Variants in EIPR1 observed in about 807,000 individuals in gnomAD.
EIPR1 encodes the protein EARP and GARP complex-interacting protein 1.
A neutral mutation model predicts 48.1 loss-of-function variants in EIPR1; 25 were observed. The ratio of observed to expected loss-of-function variants is 0.52; its 90% CI spans 0.38 to 0.73. EIPR1 has a LOEUF of 0.73. Among genes scored for constraint, EIPR1 ranks in the 30% least tolerant of loss-of-function variants. EIPR1 has a pLI of 0.00. For missense variants in EIPR1, 415 were observed against 506.2 expected, an observed-to-expected ratio of 0.82 and a Z score of 1.73; for synonymous variants, 204 against 201.9, an observed-to-expected ratio of 1.01 and a Z score of -0.09.
intron 4 of EIPR1, among the ~76,000 whole-genome samples, chr2:3,230,243 A>G (rs543220254): frequency 1.3e-5 from 2 of 152,234 alleles, no homozygotes; most frequent in African/African-American, 4.8e-5. Flanking sequence ...TAACCAAAAA[A>G]CATGGTGAGT....
intron 2 of EIPR1, among the ~76,000 whole-genome samples, chr2:3,350,637 A>G (rs1333190509): frequency 6.6e-6 from 1 of 152,234 alleles, no homozygotes; most frequent in Non-Finnish European, 1.5e-5. Flanking sequence ...TATTCTATGA[A>G]GTAAGCATTT....
intron 3 of EIPR1, among the ~76,000 whole-genome samples, chr2:3,336,008 C>T (rs958800434): frequency 1.3e-5 from 2 of 152,116 alleles, no homozygotes; most frequent in Non-Finnish European, 2.9e-5. Flanking sequence ...GGCCACACTG[C>T]ATGTGGTTAA....
chr2:3,292,091 T>G (rs1668380547), intron 3 of EIPR1, among the ~76,000 whole-genome samples: 1 of 152,242 alleles, frequency 6.6e-6, no homozygotes, highest in African/African-American at 2.4e-5. Flanking sequence ...AGTTTTCCAT[T>G]CTGGCTCCAT....
intron 3 of EIPR1, among the ~76,000 whole-genome samples, chr2:3,321,234 ACT>A (rs1439096278): frequency 6.6e-6 from 1 of 152,098 alleles, no homozygotes; most frequent in Non-Finnish European, 1.5e-5. Flanking sequence ...AGAAAATTTA[ACT>A]CTCACCTTTC....
chr2:3,201,827 T>G (rs1485143960), intron 5 of EIPR1, among the ~76,000 whole-genome samples: 3 of 152,252 alleles, frequency 2.0e-5, no homozygotes, highest in African/African-American at 7.2e-5. Flanking sequence ...CTAGCAATGA[T>G]TCGAGTGTAC....
At chr2:3,320,635 T>C (rs1669499181) in intron 3 of EIPR1, 1 of 152,252 alleles carries the variant, frequency 6.6e-6, no homozygotes, top group African/African-American at 2.4e-5. Context: ...ACTGAAATAA[T>C]AACTTGTTCC....
intron 4 of EIPR1, among the ~76,000 whole-genome samples, chr2:3,221,580 G>A (rs367972216): frequency 4.8e-4 from 5 of 10,492 alleles, no homozygotes; most frequent in African/African-American, 7.2e-4. Context: ...ACACTCTAGA[G>A]CATTCACAGT....
rs560241094 is a variant in EIPR1 at position 3,285,658 on chromosome 2, A to AC, written c.260-28204_260-28203insG. On this transcript the variant is annotated intron_variant, in intron 3 of 8. Transcript: ENST00000382125. ...CTAACACATGGAGCAGAAGTCACCG[A>AC]TGTCTCCGGGACCCTCGCACGGAGC... 2.0e-3 allele frequency among the ~76,000 whole-genome samples: 294 copies of AC among 147,434 alleles called. 1 individual carries two copies. The highest frequency in any genetic ancestry group is 2.9e-3 in the Non-Finnish European group (194 of 66,290).
chr2:3,278,225 G>A (rs924657340), intron 3 of EIPR1, among the ~76,000 whole-genome samples: 4 of 152,160 alleles, frequency 2.6e-5, no homozygotes, highest in Admixed American at 2.0e-4. Context: ...GCAGGTGGAT[G>A]GCAAAGGCCA....
intron 4 of EIPR1, among the ~76,000 whole-genome samples, chr2:3,256,187 G>T (rs1384312084): frequency 6.6e-6 from 1 of 152,216 alleles, no homozygotes; most frequent in Non-Finnish European, 1.5e-5. Context: ...CAGACTGCCT[G>T]ACCCTCAGCA....
intron 3 of EIPR1, among the ~76,000 whole-genome samples, chr2:3,333,220 T>A (rs11127411): frequency 6.6e-6 from 1 of 152,154 alleles, no homozygotes; most frequent in Non-Finnish European, 1.5e-5. Context: ...TTCTAGCATG[T>A]GCTTGCGTGC....
intron 1 of EIPR1, among the ~76,000 whole-genome samples, chr2:3,364,134 C>A (rs928115544): frequency 2.0e-5 from 3 of 152,090 alleles, no homozygotes; most frequent in African/African-American, 7.2e-5. Flanking sequence ...ATAGAGCTAC[C>A]ACATCATCCA....
intron 3 of EIPR1, chr2:3,301,586 A>T (rs1668763383): frequency 6.6e-6 from 1 of 152,272 alleles, no homozygotes; most frequent in Non-Finnish European, 1.5e-5. Context: ...TCAGGTACCC[A>T]CAATGGTGGC....
intron 4 of EIPR1, among the ~76,000 whole-genome samples, chr2:3,250,680 G>A (rs1227256665): frequency 6.6e-6 from 1 of 152,220 alleles, no homozygotes; most frequent in Non-Finnish European, 1.5e-5. Flanking sequence ...GGCCTAGTGG[G>A]AGGTACTGGA....
intron 3 of EIPR1, among the ~76,000 whole-genome samples, chr2:3,258,922 A>T (rs1276059158): frequency 6.7e-6 from 1 of 149,316 alleles, no homozygotes; most frequent in Non-Finnish European, 1.5e-5. Flanking sequence ...AGGGAATTTT[A>T]TTTATTTATT....
intron 1 of EIPR1, among the ~76,000 whole-genome samples, chr2:3,358,664 A>C (rs946450256): frequency 1.3e-5 from 2 of 152,244 alleles, no homozygotes; most frequent in African/African-American, 4.8e-5. Context: ...ATTATCAGCA[A>C]GTCACAGAGC....
At chr2:3,273,210 C>T (rs1667749542) in intron 3 of EIPR1, among the ~76,000 whole-genome samples, 1 of 152,200 alleles carries the variant, frequency 6.6e-6, no homozygotes, top group Non-Finnish European at 1.5e-5. Context: ...TCATGCCTCT[C>T]TAAAATACTT....
At chr2:3,198,847 C>G (rs1234148970) in intron 5 of EIPR1, among the ~76,000 whole-genome samples, 1 of 152,044 alleles carries the variant, frequency 6.6e-6, no homozygotes, top group Non-Finnish European at 1.5e-5. Context: ...GAAACTACAA[C>G]CACTAATGAA....
chr2:3,200,752 C>T (rs1429405708), intron 5 of EIPR1, among the ~76,000 whole-genome samples: 1 of 152,034 alleles, frequency 6.6e-6, no homozygotes, highest in Non-Finnish European at 1.5e-5. Context: ...CCAAGGCATC[C>T]GCGGTGAGTC....
Sources: gnomAD v4.1 joint callset for allele counts (sites outside exome capture counted in the v4.1 genomes callset) on GRCh38, gnomAD v4.1.1 for gene constraint, MANE v1.5 for transcripts, NCBI Gene and HGNC (gene_info 2026-07-23, HGNC 2026-07-21) for gene names.